The following KLF12 variants were observed in gnomAD, a reference collection of about 807,000 sequenced individuals.
The protein encoded by KLF12 is KLF transcription factor 12, also known as Krueppel-like factor 12.
A neutral mutation model predicts 37.8 loss-of-function variants in KLF12; 9 were observed. The observed-to-expected ratio is 0.24, with a 90% CI of 0.14 to 0.42. The LOEUF is 0.42. KLF12 is among the 10% of genes least tolerant of loss of function. KLF12 has a pLI of 1.00. For missense variants in KLF12, 411 were observed against 516.0 expected (o/e 0.80, Z 1.97); for synonymous variants, 208 against 202.1 (o/e 1.03, Z -0.25).
At position 73,744,315 on chromosome 13, in the gene KLF12, T is replaced by G. The variant is rs144408840; in HGVS notation, c.869+20623A>C. 1.4e-3 allele frequency among the ~76,000 whole-genome samples: 216 copies of G among 152,304 alleles called. 1 individual carries two copies. The highest frequency in any genetic ancestry group is 4.7e-3 in the African/African-American group (196 of 41,564). On this transcript the variant is annotated intron_variant, in intron 6 of 7. Coordinates refer to ENST00000377669, the MANE Select transcript of KLF12 (RefSeq NM_007249.5). ...TGAATTTCTATTTTGGAACTTCAAT[T>G]TCATCACTGACAAAATGGGGTCAAT...
At chr13:74,162,977 A>G in the KLF12 span, among the ~76,000 whole-genome samples, 5 of 152,216 alleles carry the variant, frequency 3.3e-5, no homozygotes, top group Non-Finnish European at 5.9e-5. Flanking sequence ...AAGAAGAGAA[A>G]GTGGATTATT....
chr13:73,998,239 T>C (rs930901137), intron 1 of KLF12, among the ~76,000 whole-genome samples: 1 of 152,186 alleles, frequency 6.6e-6, no homozygotes, highest in Non-Finnish European at 1.5e-5. Flanking sequence ...GATTGCTTGC[T>C]CTTCATCACA....
At chr13:74,112,229 A>G (rs543270310) in intron 1 of KLF12, among the ~76,000 whole-genome samples, 13 of 147,226 alleles carry the variant, frequency 8.8e-5, no homozygotes, top group African/African-American at 3.2e-4. Flanking sequence ...TGTGTATGAT[A>G]TGTATGCATG....
intron 2 of KLF12, among the ~76,000 whole-genome samples, chr13:73,956,570 A>C (rs1040438247): frequency 2.0e-5 from 3 of 152,224 alleles, no homozygotes; most frequent in African/African-American, 7.2e-5. Context: ...GTAGTAAAGC[A>C]GCCCATTTCA....
chr13:73,916,160 T>C (rs972419684), intron 3 of KLF12, among the ~76,000 whole-genome samples: 2 of 151,772 alleles, frequency 1.3e-5, no homozygotes, highest in Admixed American at 6.6e-5. Flanking sequence ...AAATCCTGTA[T>C]GAAACAGGCA....
At chr13:73,797,706 G>A (rs888850186) in intron 5 of KLF12, among the ~76,000 whole-genome samples, 1 of 146,856 alleles carries the variant, frequency 6.8e-6, no homozygotes, top group Non-Finnish European at 1.5e-5. Flanking sequence ...GGAGTTTGAG[G>A]CTTTAATGAG....
the KLF12 span, among the ~76,000 whole-genome samples, chr13:74,162,581 A>G: frequency 6.6e-6 from 1 of 152,168 alleles, no homozygotes; most frequent in East Asian, 1.9e-4. Context: ...ATTTAATGCT[A>G]CTTATTTTCT....
chr13:73,841,932 A>C (rs1376440148), intron 4 of KLF12, among the ~76,000 whole-genome samples: 1 of 152,120 alleles, frequency 6.6e-6, no homozygotes, highest in Non-Finnish European at 1.5e-5. Context: ...TATACCTTCT[A>C]GGACATCATT....
the KLF12 span, among the ~76,000 whole-genome samples, chr13:74,157,097 G>C: frequency 6.6e-6 from 1 of 151,962 alleles, no homozygotes; most frequent in African/African-American, 2.4e-5. Flanking sequence ...TGAATCACAG[G>C]GGACTTTCTA....
At chr13:73,761,606 GT>G (rs1391376996) in intron 6 of KLF12, among the ~76,000 whole-genome samples, 5 of 151,964 alleles carry the variant, frequency 3.3e-5, no homozygotes, top group Admixed American at 3.3e-4. Flanking sequence ...TCTTTTTGTT[GT>G]TGTTGTTGCT....
intron 1 of KLF12, among the ~76,000 whole-genome samples, chr13:74,013,989 C>T (rs970437401): frequency 6.6e-6 from 1 of 151,922 alleles, no homozygotes; most frequent in African/African-American, 2.4e-5. Context: ...CAACAGCAGG[C>T]TACTTTCAAA....
intron 1 of KLF12, among the ~76,000 whole-genome samples, chr13:74,016,854 C>T (rs1433882930): frequency 6.6e-6 from 1 of 152,204 alleles, no homozygotes; most frequent in Non-Finnish European, 1.5e-5. Flanking sequence ...TTCCCAACTG[C>T]TGTAAACTGG....
intron 1 of KLF12, among the ~76,000 whole-genome samples, chr13:74,130,257 T>TC (rs1878185912): frequency 6.6e-6 from 1 of 152,202 alleles, no homozygotes. Flanking sequence ...AGTGTGAGTT[T>TC]GAAAGGAAAA....
In KLF12 at chr13:73,793,033, T is replaced by C. The variant is rs572722622; in HGVS notation, c.806+20119A>G. 1.7e-4 allele frequency among the ~76,000 whole-genome samples: 26 copies of C among 152,290 alleles called. 1 individual carries two copies. Among genetic ancestry groups the C allele is most frequent in the Middle Eastern group, 6.8e-3 (2 of 294 alleles). On this transcript the variant is annotated intron_variant, in intron 5 of 7. Transcript: ENST00000377669. ...ACTCAACTGTGCAATTTTATGTGAGTGGACATCTGCAGACATGAATTTGAA... is the reference window on the plus strand; with the variant it reads ...ACTCAACTGTGCAATTTTATGTGAGCGGACATCTGCAGACATGAATTTGAA...
At chr13:73,965,503 T>C (rs1891148016) in intron 2 of KLF12, among the ~76,000 whole-genome samples, 1 of 152,108 alleles carries the variant, frequency 6.6e-6, no homozygotes, top group Admixed American at 6.6e-5. Flanking sequence ...CAAGCAGATA[T>C]GATGGGTGGG....
At chr13:74,060,829 T>C (rs1873553011) in intron 1 of KLF12, among the ~76,000 whole-genome samples, 1 of 152,172 alleles carries the variant, frequency 6.6e-6, no homozygotes, top group East Asian at 1.9e-4. Flanking sequence ...CGTTTTCTAT[T>C]TTCTAAAATG....
upstream of KLF12, among the ~76,000 whole-genome samples, chr13:74,138,036 G>A (rs1159595225): frequency 2.0e-5 from 3 of 152,206 alleles, no homozygotes; most frequent in African/African-American, 7.2e-5. Context: ...GATTACAGGC[G>A]GGAGCCACCG....
intron 3 of KLF12, among the ~76,000 whole-genome samples, chr13:73,872,577 A>T (rs981668239): frequency 6.6e-6 from 1 of 152,038 alleles, no homozygotes; most frequent in African/African-American, 2.4e-5. Flanking sequence ...CTTGGGTAAG[A>T]CTCCACTAAT....
At chr13:73,799,648 A>C (rs9573292) in intron 5 of KLF12, among the ~76,000 whole-genome samples, 3 of 151,826 alleles carry the variant, frequency 2.0e-5, no homozygotes, top group African/African-American at 7.3e-5. Flanking sequence ...AATGTACCCA[A>C]TAAAAGATGA....
Sources: allele counts gnomAD v4.1 joint callset (sites outside exome capture counted in the v4.1 genomes callset), GRCh38; gene constraint gnomAD v4.1.1; transcripts MANE v1.5; gene names NCBI Gene and HGNC (gene_info 2026-07-23, HGNC 2026-07-21).